DDX10: variants seen among roughly 807,000 people sequenced by gnomAD.
DDX10 encodes probable ATP-dependent RNA helicase DDX10.
Under a neutral mutation model 104.3 loss-of-function variants are expected in DDX10, and 74 were observed. That is an observed-to-expected ratio of 0.71 (90% CI 0.59 to 0.86). The LOEUF is 0.86. DDX10 is among the 40% of genes least tolerant of loss of function. The pLI, the probability that DDX10 is intolerant of heterozygous loss-of-function variation, is 0.00. For synonymous variants in DDX10, 351 were observed against 353.4 expected (o/e 0.99, Z 0.08); for missense variants, 952 against 1,040.0 (o/e 0.92, Z 1.16).
chr11:108,918,207 A>G, intron 17 of DDX10, 189 bp downstream of exon 17: 6 of 608,066 alleles, frequency 9.9e-6, no homozygotes, highest in South Asian at 6.6e-5. Flanking sequence ...TGTTCTGGTC[A>G]TGTTAGGGCC....
At chr11:108,754,170 C>T (rs946230825) in intron 13 of DDX10, among the ~76,000 whole-genome samples, 1 of 151,958 alleles carries the variant, frequency 6.6e-6, no homozygotes, top group Non-Finnish European at 1.5e-5. Flanking sequence ...GGAAGTGAAT[C>T]GTTTAGCTGA....
At chr11:108,859,455 A>AG (rs1459766676) in intron 16 of DDX10, among the ~76,000 whole-genome samples, 1 of 151,894 alleles carries the variant, frequency 6.6e-6, no homozygotes, top group Non-Finnish European at 1.5e-5. Context: ...GTGTAAAAAA[A>AG]AAGGGCTGTG....
intron 17 of DDX10, among the ~76,000 whole-genome samples, chr11:108,932,386 T>G (rs1264448992): frequency 2.0e-5 from 3 of 151,780 alleles, no homozygotes; most frequent in Non-Finnish European, 4.4e-5. Flanking sequence ...CCCAGGGAGG[T>G]TGAGGCAGGA....
chr11:108,850,718 A>G (rs1364749170), intron 15 of DDX10, among the ~76,000 whole-genome samples: 1 of 152,138 alleles, frequency 6.6e-6, no homozygotes, highest in Non-Finnish European at 1.5e-5. Context: ...TACAAATACT[A>G]TGTACGAACC....
intron 13 of DDX10, among the ~76,000 whole-genome samples, chr11:108,785,762 T>C (rs1379312354): frequency 6.6e-6 from 1 of 152,168 alleles, no homozygotes; most frequent in Non-Finnish European, 1.5e-5. Flanking sequence ...TTCTGTGGGA[T>C]AGGTTGTAAT....
At chr11:108,878,673 C>T (rs2134630018) in intron 16 of DDX10, among the ~76,000 whole-genome samples, 1 of 152,208 alleles carries the variant, frequency 6.6e-6, no homozygotes, top group South Asian at 2.1e-4. Context: ...ATATTAAAGA[C>T]TTCTTAGATT....
intron 16 of DDX10, among the ~76,000 whole-genome samples, chr11:108,856,773 G>T (rs555281734): frequency 6.6e-6 from 1 of 152,122 alleles, no homozygotes. Flanking sequence ...CCATGAAATT[G>T]AAGAGCGAGT....
intron 17 of DDX10, chr11:108,920,156 T>A (rs970960237): frequency 1.3e-5 from 2 of 152,148 alleles, no homozygotes; most frequent in African/African-American, 4.8e-5. Context: ...ATACAAGAGA[T>A]GACAGAATAT....
intron 16 of DDX10, among the ~76,000 whole-genome samples, chr11:108,878,399 A>G (rs1225837973): frequency 1.3e-5 from 2 of 152,194 alleles, no homozygotes; most frequent in Non-Finnish European, 1.5e-5. Context: ...ACAGCAACAG[A>G]AAGTTTTCGT....
At chr11:108,783,562 A>G (rs1861742473) in intron 13 of DDX10, among the ~76,000 whole-genome samples, 1 of 152,202 alleles carries the variant, frequency 6.6e-6, no homozygotes, top group Admixed American at 6.5e-5. Context: ...AGCCTAAGTG[A>G]AGAAGCCCTT....
intron 6 of DDX10, among the ~76,000 whole-genome samples, chr11:108,684,265 A>G (rs1318964174): frequency 1.4e-4 from 21 of 146,138 alleles, no homozygotes; most frequent in Admixed American, 2.1e-4. Flanking sequence ...ATATGTATAC[A>G]TGTGCCATGC....
chr11:108,884,627 A>G (rs1375957441), intron 16 of DDX10, among the ~76,000 whole-genome samples: 5 of 152,098 alleles, frequency 3.3e-5, no homozygotes, highest in Non-Finnish European at 7.4e-5. Context: ...CTCCTCTTTT[A>G]TGAAACTCTT....
chr11:108,711,644 T>C (rs1450921468), intron 10 of DDX10, among the ~76,000 whole-genome samples: 1 of 152,224 alleles, frequency 6.6e-6, no homozygotes, highest in Non-Finnish European at 1.5e-5. Flanking sequence ...CTGTTATTTC[T>C]AGTTTAATTC....
At chr11:108,896,118 A>T (rs1401035870) in intron 16 of DDX10, among the ~76,000 whole-genome samples, 1 of 152,160 alleles carries the variant, frequency 6.6e-6, no homozygotes, top group African/African-American at 2.4e-5. Flanking sequence ...TGACTGTATT[A>T]TCCATCTTAG....
At chr11:108,714,631 A>G (rs955930123) in intron 10 of DDX10, among the ~76,000 whole-genome samples, 1 of 152,122 alleles carries the variant, frequency 6.6e-6, no homozygotes, top group East Asian at 1.9e-4. Context: ...TGATGATTGA[A>G]AGAATGAAAT....
chr11:108,880,318 A>G (rs1233349219), intron 16 of DDX10, among the ~76,000 whole-genome samples: 2 of 152,206 alleles, frequency 1.3e-5, no homozygotes, highest in African/African-American at 2.4e-5. Flanking sequence ...TCCTACCCTT[A>G]TAACCTTATT....
intron 9 of DDX10, among the ~76,000 whole-genome samples, chr11:108,697,169 T>C (rs1388523197): frequency 6.6e-6 from 1 of 152,144 alleles, no homozygotes; most frequent in Non-Finnish European, 1.5e-5. Context: ...TTAAAAGTAT[T>C]TTTACTTGAC....
At chr11:108,720,983 T>C (rs1462250440) in intron 12 of DDX10, among the ~76,000 whole-genome samples, 1 of 151,834 alleles carries the variant, frequency 6.6e-6, no homozygotes, top group Non-Finnish European at 1.5e-5. Context: ...GTAAAAACAT[T>C]GGCACAATCT....
Position 108,850,386 on chromosome 11 carries a change from C to T in DDX10, c.2248-1767C>T, listed in dbSNP as rs555146700. 3.9e-5 allele frequency among the ~76,000 whole-genome samples: 6 copies of T among 152,166 alleles called. No individual in the cohort carries two copies. The East Asian group carries it at 9.6e-4, about 24-fold the overall frequency. ...AAAATGACTAAATGGAAAACCCCAG[C>T]ATGGTTATGTTTGCTTTAGTAGAAA... On this transcript the variant is annotated intron_variant, in intron 15 of 17. Coordinates refer to ENST00000322536, the MANE Select transcript of DDX10 (RefSeq NM_004398.4).
Sources: allele counts gnomAD v4.1 joint callset (sites outside exome capture counted in the v4.1 genomes callset), GRCh38; gene constraint gnomAD v4.1.1; transcripts MANE v1.5; gene names NCBI Gene and HGNC (gene_info 2026-07-23, HGNC 2026-07-21).